TRIM33: variants seen among roughly 807,000 people sequenced by gnomAD.
The protein encoded by TRIM33 is E3 ubiquitin-protein ligase TRIM33.
Under a neutral mutation model 125.4 loss-of-function variants are expected in TRIM33, and 20 were observed. The observed-to-expected ratio is 0.16, with a 90% CI of 0.11 to 0.23. TRIM33 has a LOEUF of 0.23. Among genes scored for constraint, TRIM33 ranks in the 10% least tolerant of loss-of-function variants. TRIM33 has a pLI of 1.00. For synonymous variants in TRIM33, 564 were observed against 513.9 expected (o/e 1.10, Z -1.32); for missense variants, 920 against 1,411.4 (o/e 0.65, Z 5.58).
At chr1:114,454,433 CCA>C in intron 4 of TRIM33, among the ~76,000 whole-genome samples, 1 of 152,156 alleles carries the variant, frequency 6.6e-6, no homozygotes, top group Non-Finnish European at 1.5e-5. Flanking sequence ...TGCCTATATA[CCA>C]AGTACTTTGA....
chr1:114,417,857 T>C (rs1380150425), intron 11 of TRIM33, among the ~76,000 whole-genome samples: 1 of 152,100 alleles, frequency 6.6e-6, no homozygotes, highest in African/African-American at 2.4e-5. Flanking sequence ...GGTTTCTCCA[T>C]GTTGGTCAGG....
chr1:114,409,443 C>T (rs11807174), intron 12 of TRIM33, among the ~76,000 whole-genome samples: 4,007 of 152,110 alleles, frequency 0.026, 92 homozygotes, highest in Non-Finnish European at 0.034. Context: ...TTAGCTCTTA[C>T]TTTTTAAATA....
At chr1:114,486,662 G>T (rs1651718059) in intron 1 of TRIM33, among the ~76,000 whole-genome samples, 1 of 151,040 alleles carries the variant, frequency 6.6e-6, no homozygotes, top group South Asian at 2.1e-4. Context: ...AAAATCAAGA[G>T]ACCAAAAGAA....
At chr1:114,434,413 G>A (rs187819887) in intron 4 of TRIM33, among the ~76,000 whole-genome samples, 3 of 152,130 alleles carry the variant, frequency 2.0e-5, no homozygotes, top group Admixed American at 2.0e-4. Context: ...TAATTTTTCA[G>A]TTCTGGATGC....
chr1:114,510,847 G>A lies in TRIM33; in HGVS notation c.230C>T (p.Ala77Val), dbSNP rs888145399. The change falls in exon 1 of 20, where the codon GCT becomes GTT. Residue 77 changes from alanine to valine, a missense_variant. Transcript: ENST00000358465. Reference protein sequence around the residue: ...VAAASSGSAQAASSPAASVGT... With the variant: ...VAAASSGSAQVASSPAASVGT... ...CACTGAGGCCGCAGGAGATGAAGCAGCCTGGGCCGAGCCCGAGGAGGCCGC... is the reference window on the plus strand; with the variant it reads ...CACTGAGGCCGCAGGAGATGAAGCAACCTGGGCCGAGCCCGAGGAGGCCGC... The A allele has an allele frequency of 5.4e-6, 8 of 1,492,614 alleles. No homozygotes were observed. Among genetic ancestry groups the A allele is most frequent in the Admixed American group, 2.2e-5 (1 of 45,674 alleles). The allele number at this position is 1,492,614 out of a possible 1,614,324, so 92.5% of individuals were successfully genotyped here.
chr1:114,501,498 T>C (rs1652715237), intron 1 of TRIM33, among the ~76,000 whole-genome samples: 1 of 152,208 alleles, frequency 6.6e-6, no homozygotes, highest in South Asian at 2.1e-4. Context: ...GAAAAAACTG[T>C]ATATATGGCT....
intron 1 of TRIM33, among the ~76,000 whole-genome samples, chr1:114,466,834 C>T (rs905898624): frequency 2.0e-5 from 3 of 152,190 alleles, no homozygotes; most frequent in Non-Finnish European, 2.9e-5. Context: ...CTCAGGTGAC[C>T]GATCTGCTCG....
chr1:114,488,165 C>T (rs571848074), intron 1 of TRIM33, among the ~76,000 whole-genome samples: 15 of 152,170 alleles, frequency 9.9e-5, no homozygotes, highest in African/African-American at 2.9e-4. Context: ...ATATCTAAGA[C>T]GCTATTCAAA....
At chr1:114,427,930 T>C (rs1647693844) in intron 6 of TRIM33, 36 bp from the exon 7 acceptor site, 1 of 1,602,964 alleles carries the variant, frequency 6.2e-7, no homozygotes, top group Admixed American at 1.7e-5. Flanking sequence ...TAGAATTCCA[T>C]ATGAAAAAAA....
intron 1 of TRIM33, among the ~76,000 whole-genome samples, chr1:114,503,938 T>C (rs890677554): frequency 1.3e-5 from 2 of 152,238 alleles, no homozygotes; most frequent in African/African-American, 4.8e-5. Flanking sequence ...ACAAGTACTC[T>C]TCTTCCACTT....
At chr1:114,410,770 C>G (rs1254757480) in intron 11 of TRIM33, among the ~76,000 whole-genome samples, 5 of 133,174 alleles carry the variant, frequency 3.8e-5, no homozygotes, top group Admixed American at 3.6e-4. Context: ...ACACAAGGCC[C>G]CTTACTACAA....
At chr1:114,460,788 C>A (rs1649931649) in intron 4 of TRIM33, among the ~76,000 whole-genome samples, 1 of 152,006 alleles carries the variant, frequency 6.6e-6, no homozygotes, top group Admixed American at 6.6e-5. Context: ...CCCTCTCTCT[C>A]TATAAAACCA....
At chr1:114,466,338 C>T (rs905236265) in intron 1 of TRIM33, among the ~76,000 whole-genome samples, 18 of 152,116 alleles carry the variant, frequency 1.2e-4, no homozygotes, top group African/African-American at 4.1e-4. Context: ...GAAGAATGAA[C>T]GTGACTATAC....
chr1:114,488,667 G>GT (rs1349081120), intron 1 of TRIM33, among the ~76,000 whole-genome samples: 2 of 152,124 alleles, frequency 1.3e-5, no homozygotes, highest in Non-Finnish European at 2.9e-5. Context: ...GGAGTCTGAG[G>GT]TGAAAGAACT....
At chr1:114,489,390 T>C (rs1651910173) in intron 1 of TRIM33, among the ~76,000 whole-genome samples, 1 of 152,170 alleles carries the variant, frequency 6.6e-6, no homozygotes, top group Admixed American at 6.5e-5. Flanking sequence ...TACGAAATGA[T>C]TTTTCAGATA....
Position 114,399,466 on chromosome 1 carries a change from C to T in TRIM33, c.3111G>A (p.Arg1037=), listed in dbSNP as rs1207889773. 7 of 1,613,390 alleles carry T rather than the reference C, an allele frequency of 4.3e-6. No individual in the cohort carries two copies. Among genetic ancestry groups the T allele is most frequent in the Admixed American group, 1.7e-5 (1 of 59,964 alleles). The change falls in exon 18 of 20, where the codon AGG becomes AGA. Residue 1037 remains arginine (R), a synonymous_variant. Transcript: ENST00000358465. ...DVRLIFKNCE[R]FNEMMKVVQV... The stretch of plus-strand genomic sequence containing the variant: ...TTGGAAGTTAACATACTTCATTAAA[C>T]CTTTCACAGTTCTTGAAGATCAAAC...
chr1:114,465,851 C>T (rs1032527125), intron 1 of TRIM33, among the ~76,000 whole-genome samples: 3 of 151,752 alleles, frequency 2.0e-5, no homozygotes, highest in South Asian at 4.2e-4. Context: ...ACTATCCTGG[C>T]TAACATGGTG....
At chr1:114,468,485 T>G (rs947144503) in intron 1 of TRIM33, 17 of 373,816 alleles carry the variant, frequency 4.5e-5, no homozygotes, top group African/African-American at 2.2e-5. Context: ...TGGAAGCTGA[T>G]GAAGAGAACA....
At chr1:114,498,823 G>A (rs1652534796) in intron 1 of TRIM33, among the ~76,000 whole-genome samples, 1 of 151,986 alleles carries the variant, frequency 6.6e-6, no homozygotes, top group Admixed American at 6.6e-5. Context: ...GGGAGGTGGG[G>A]AAGGACCTTC....
Sources: allele counts gnomAD v4.1 joint callset (sites outside exome capture counted in the v4.1 genomes callset), GRCh38; gene constraint gnomAD v4.1.1; transcripts MANE v1.5; gene names NCBI Gene and HGNC (gene_info 2026-07-23, HGNC 2026-07-21).